KMT2E: variants seen among roughly 807,000 people sequenced by gnomAD.
The protein encoded by KMT2E is histone reader KMT2E.
Under a neutral mutation model 184.6 loss-of-function variants are expected in KMT2E, and 30 were observed. The observed-to-expected ratio is 0.16, with a 90% confidence interval of 0.12 to 0.22. The LOEUF (loss-of-function observed/expected upper bound fraction) is 0.22. KMT2E is among the 10% of genes least tolerant of loss of function. The pLI, the probability that KMT2E is intolerant of heterozygous loss-of-function variation, is 1.00. For missense variants in KMT2E, 2,023 were observed against 2,237.4 expected, an observed-to-expected ratio of 0.90 and a Z score of 1.93; for synonymous variants, 815 against 776.5, an observed-to-expected ratio of 1.05 and a Z score of -0.82.
chr7:105,015,918 A>C (rs1794698673), intron 1 of KMT2E, among the ~76,000 whole-genome samples: 1 of 152,152 alleles, frequency 6.6e-6, no homozygotes, highest in Non-Finnish European at 1.5e-5. Flanking sequence ...CACTTTTGAA[A>C]AAAAAAAACA....
At chr7:105,029,678 A>G (rs995804496) in intron 1 of KMT2E, among the ~76,000 whole-genome samples, 7 of 152,226 alleles carry the variant, frequency 4.6e-5, no homozygotes, top group African/African-American at 1.7e-4. Context: ...GAGAATGGCG[A>G]TACTGATAAA....
chr7:105,041,930 C>T (rs554242208), intron 3 of KMT2E, among the ~76,000 whole-genome samples: 2 of 152,164 alleles, frequency 1.3e-5, no homozygotes, highest in East Asian at 3.9e-4. Context: ...TTCATTTAAG[C>T]GTGGCTTTGT....
chr7:105,093,320 A>T (rs1798283665), intron 15 of KMT2E, among the ~76,000 whole-genome samples: 1 of 152,220 alleles, frequency 6.6e-6, no homozygotes, highest in South Asian at 2.1e-4. Flanking sequence ...CTTTAAATAT[A>T]TATTCTTCTG....
rs1298835215 is a variant in KMT2E at position 105,110,588 on chromosome 7, G to A, written c.3956G>A (p.Ser1319Asn). 1.2e-6 allele frequency: 2 copies of A among 1,614,110 alleles called. No homozygotes were observed. Among genetic ancestry groups the A allele is most frequent in the Admixed American group, 3.3e-5 (2 of 60,026 alleles). Reference sequence around the variant, plus strand: ...GCTAAGGGCCCAGTCCCTTCTTTCAGTGAACTTATGGAAGGTCAGTAAGCA... The same window carrying A: ...GCTAAGGGCCCAGTCCCTTCTTTCAATGAACTTATGGAAGGTCAGTAAGCA... The part of the protein sequence containing the change: ...LQAKGPVPSF[S>N]ELMEDPDPEN... Residue 1319 changes from serine (S) to asparagine (N), a missense_variant, in exon 25 of 27, where the codon AGT (serine) becomes AAT (asparagine). Physicochemically the swap from Ser to Asn is conservative, Grantham distance 46 (BLOSUM62 1). This residue lies in a region of KMT2E where 1,108 missense variants were observed against 1,050.9 expected (regional missense o/e 1.05). Coordinates refer to ENST00000311117, the MANE Select transcript of KMT2E (RefSeq NM_182931.3).
At chr7:105,058,869 C>A (rs1554388401) in intron 3 of KMT2E, among the ~76,000 whole-genome samples, 1 of 152,036 alleles carries the variant, frequency 6.6e-6, no homozygotes, top group Non-Finnish European at 1.5e-5. Flanking sequence ...AAGAGAAAAT[C>A]TTTTTTGGAT....
rs1433832720 is a variant in KMT2E at position 105,112,616 on chromosome 7, A to G, written c.4860A>G (p.Gln1620=). Residue 1620 remains glutamine, a synonymous_variant, in exon 27 of 27, where the codon CAA becomes CAG. Coordinates refer to ENST00000311117, the MANE Select transcript of KMT2E (RefSeq NM_182931.3). Reference sequence around the variant, plus strand: ...CTCAGAACCCTACCATTCACCATCAAACTGCTGCTGCCGTAGTCCCCCCTC... The same window carrying G: ...CTCAGAACCCTACCATTCACCATCAGACTGCTGCTGCCGTAGTCCCCCCTC... ...LPSQNPTIHH[Q]TAAAVVPPPP... 2 of 1,613,218 alleles carry G rather than the reference A, an allele frequency of 1.2e-6. No individual in the cohort carries two copies. Among genetic ancestry groups the G allele is most frequent in the Non-Finnish European group, 8.5e-7 (1 of 1,179,818 alleles).
chr7:105,025,632 A>G (rs2129564255), intron 1 of KMT2E, among the ~76,000 whole-genome samples: 1 of 152,292 alleles, frequency 6.6e-6, no homozygotes, highest in African/African-American at 2.4e-5. Context: ...ACCAGTTGAG[A>G]TGAATGCTCA....
intron 20 of KMT2E, 43 bp from the exon 21 acceptor site, chr7:105,107,123 C>T (rs756303884): frequency 1.9e-5 from 19 of 1,015,036 alleles, no homozygotes; most frequent in East Asian, 1.3e-4. Context: ...GATATACTTA[C>T]GTATTTTTAA....
At chr7:105,086,898 A>G (rs1444781559) in intron 13 of KMT2E, among the ~76,000 whole-genome samples, 2 of 78,730 alleles carry the variant, frequency 2.5e-5, no homozygotes, top group African/African-American at 1.4e-4. Flanking sequence ...TATAGCATAT[A>G]TATTATATAT....
intron 1 of KMT2E, among the ~76,000 whole-genome samples, chr7:105,020,415 AC>A (rs1357225909): frequency 2.0e-5 from 3 of 151,712 alleles, no homozygotes; most frequent in Non-Finnish European, 2.9e-5. Flanking sequence ...ACATGGTGAA[AC>A]CCCATCTCTG....
At position 105,109,080 on chromosome 7, in the gene KMT2E, A is replaced by C. The variant is rs745683587; in HGVS notation, c.3607A>C (p.Asn1203His). 3.7e-6 allele frequency: 6 copies of C among 1,614,182 alleles called. No homozygotes were observed. In the South Asian group the frequency reaches 6.6e-5, roughly 18 times the overall value. ...SNNGDGCASSNDNGEQVDHTA... is the reference protein window; with the variant it reads ...SNNGDGCASSHDNGEQVDHTA... ...CAATGGTGATGGCTGTGCCAGCAGT[A>C]ATGACAATGGGGAGCAGGTGGACCA... The change falls in exon 23 of 27, where the codon AAT (asparagine) becomes CAT (histidine). Residue 1203 changes from asparagine to histidine, a missense_variant. Physicochemically the swap from Asn to His is moderately conservative, Grantham distance 68. Coordinates refer to ENST00000311117, the MANE Select transcript of KMT2E (RefSeq NM_182931.3).
At chr7:105,091,568 AT>A in intron 15 of KMT2E, 1 of 570,432 alleles carries the variant, frequency 1.8e-6, no homozygotes, top group Non-Finnish European at 3.1e-6. Flanking sequence ...TAATATTTTA[AT>A]AATGCCACAC....
At chr7:105,084,174 T>G (rs2129568523) in intron 13 of KMT2E, among the ~76,000 whole-genome samples, 1 of 152,340 alleles carries the variant, frequency 6.6e-6, no homozygotes, top group South Asian at 2.1e-4. Context: ...TGGATTCATT[T>G]ATCTTGAGAT....
chr7:105,030,209 C>G (rs1795349628), intron 1 of KMT2E, among the ~76,000 whole-genome samples: 1 of 152,076 alleles, frequency 6.6e-6, no homozygotes, highest in Non-Finnish European at 1.5e-5. Context: ...CTGGAGAAGT[C>G]TTTTGAGATA....
intron 1 of KMT2E, among the ~76,000 whole-genome samples, chr7:105,018,108 C>T (rs1794793543): frequency 6.6e-6 from 1 of 152,134 alleles, no homozygotes. Context: ...TTCTTAATTT[C>T]CAAGAATAAT....
At position 105,114,539 on chromosome 7, in the gene KMT2E, A is replaced by C. The variant is rs75865509; in HGVS notation, c.*1206A>C. ...AAATGCTAGTTAGTTATTAATTATTAATCTTCAAAAAATTAAAAATTTCCC... is the reference window on the plus strand; with the variant it reads ...AAATGCTAGTTAGTTATTAATTATTCATCTTCAAAAAATTAAAAATTTCCC... On this transcript the variant is annotated 3_prime_UTR_variant, in exon 27 of 27. Transcript: ENST00000311117. Among the ~76,000 whole-genome samples the C allele has an allele frequency of 0.017, 2,557 of 152,192 alleles. 83 individuals carry two copies. Among genetic ancestry groups the C allele is most frequent in the African/African-American group, 0.059 (2,436 of 41,500 alleles).
Position 105,014,403 on chromosome 7 carries a change from G to T in KMT2E, c.-321G>T, listed in dbSNP as rs1223427480. On this transcript the variant is annotated 5_prime_UTR_variant, in exon 1 of 27. Transcript: ENST00000311117. ...AGGCTGCGCGCTGCTGTTTGGGGAGGGGGTGTGTGGAGCCGGGTCCTGTGT... is the reference window on the plus strand; with the variant it reads ...AGGCTGCGCGCTGCTGTTTGGGGAGTGGGTGTGTGGAGCCGGGTCCTGTGT... The T allele has an allele frequency of 6.5e-6, 1 of 153,868 alleles. No homozygotes were observed. The highest frequency in any genetic ancestry group is 3.4e-3 in the Middle Eastern group (1 of 298). The allele number at this position is 153,868 out of a possible 1,614,324, so 9.5% of individuals were successfully genotyped here.
At position 105,073,947 on chromosome 7, in the gene KMT2E, C is replaced by T. The variant is rs544893025; in HGVS notation, c.556+270C>T. On this transcript the variant is annotated intron_variant, in intron 7 of 26. Transcript: ENST00000311117. ...TCAGCCATAATTTTCCTACACATAG[C>T]TAACCTGTTGGTTTAAAAAAGTAAA... 3.3e-5 allele frequency among the ~76,000 whole-genome samples: 5 copies of T among 152,150 alleles called. No individual in the cohort carries two copies. The South Asian group carries it at 1.0e-3, about 32-fold the overall frequency.
At chr7:105,088,650 G>A (rs1798083661) in intron 13 of KMT2E, among the ~76,000 whole-genome samples, 1 of 152,206 alleles carries the variant, frequency 6.6e-6, no homozygotes, top group African/African-American at 2.4e-5. Flanking sequence ...TCAGAGTTGA[G>A]AAATATTGAA....
Sources: allele counts gnomAD v4.1 joint callset (sites outside exome capture counted in the v4.1 genomes callset), GRCh38; gene constraint gnomAD v4.1.1; regional missense constraint gnomAD v4.1.1; transcripts MANE v1.5; gene names NCBI Gene and HGNC (gene_info 2026-07-23, HGNC 2026-07-21).